PLEKHA5: variants seen among roughly 807,000 people sequenced by gnomAD.
The protein encoded by PLEKHA5 is pleckstrin homology domain-containing family A member 5.
A neutral mutation model predicts 181.9 loss-of-function variants in PLEKHA5; 55 were observed. That is an observed-to-expected ratio of 0.30 (90% confidence interval 0.24 to 0.38). The LOEUF (loss-of-function observed/expected upper bound fraction) is 0.38. Ranked by LOEUF, PLEKHA5 falls within the 10% of genes least tolerant of loss-of-function variation. The pLI, the probability that PLEKHA5 is intolerant of heterozygous loss-of-function variation, is 1.00. For missense variants in PLEKHA5, 1,432 were observed against 1,549.5 expected (o/e 0.92, Z 1.27); for synonymous variants, 535 against 529.4 (o/e 1.01, Z -0.15).
chr12:19,161,670 C>T lies in PLEKHA5; in HGVS notation c.227+29220C>T, dbSNP rs189891840. Among the ~76,000 whole-genome samples the T allele has an allele frequency of 8.5e-5, 13 of 152,278 alleles. No individual in the cohort carries two copies. In the East Asian group the frequency reaches 2.5e-3, roughly 29 times the overall value. ...TTTGCTCAAAGTAAAAACCAAACGTCTATAGATTTAAAATAGGACTTTAAC... is the reference window on the plus strand; with the variant it reads ...TTTGCTCAAAGTAAAAACCAAACGTTTATAGATTTAAAATAGGACTTTAAC... On this transcript the variant is annotated intron_variant, in intron 3 of 31. Transcript: ENST00000429027.
chr12:19,257,469 A>C lies in PLEKHA5; in HGVS notation c.469A>C (p.Lys157Gln). The C allele has an allele frequency of 6.2e-7, 1 of 1,608,492 alleles. No homozygotes were observed. Among genetic ancestry groups the C allele is most frequent in the Non-Finnish European group, 8.5e-7 (1 of 1,176,248 alleles). ...RASKKVHNFG[K>Q]RSNSIKRNPN... ...TTCAAAAAAAGTTCATAATTTTGGA[A>C]AGAGGTCAAATTCAATTAAAAGGAA... Residue 157 changes from lysine (K) to glutamine (Q), a missense_variant, in exon 6 of 32, where the codon AAG becomes CAG. By Grantham distance (53) the Lys-to-Gln change is moderately conservative. Around this residue, in one of 2 missense-constraint regions of PLEKHA5, gnomAD observed 289 missense variants for 381.1 expected, o/e 0.76. Coordinates refer to ENST00000429027, the MANE Select transcript of PLEKHA5 (RefSeq NM_001256470.2).
intron 3 of PLEKHA5, among the ~76,000 whole-genome samples, chr12:19,185,963 A>C (rs2049772965): frequency 6.6e-6 from 1 of 152,180 alleles, no homozygotes; most frequent in South Asian, 2.1e-4. Context: ...TTTCATAAGA[A>C]TATCCTTTGT....
At chr12:19,143,855 T>TA (rs1450526370) in intron 3 of PLEKHA5, among the ~76,000 whole-genome samples, 1 of 152,226 alleles carries the variant, frequency 6.6e-6, no homozygotes, top group Non-Finnish European at 1.5e-5. Context: ...GAATATATGG[T>TA]ATTTATTCCT....
intron 22 of PLEKHA5, among the ~76,000 whole-genome samples, chr12:19,343,933 TC>T (rs1299556178): frequency 6.6e-6 from 1 of 151,586 alleles, no homozygotes; most frequent in Non-Finnish European, 1.5e-5. Context: ...ATGCCTGTAG[TC>T]CCAAATACTC....
intron 3 of PLEKHA5, among the ~76,000 whole-genome samples, chr12:19,137,732 T>C (rs1215374407): frequency 6.6e-6 from 1 of 152,190 alleles, no homozygotes; most frequent in African/African-American, 2.4e-5. Flanking sequence ...GTAGACTTTG[T>C]TGTGGAATTC....
intron 3 of PLEKHA5, among the ~76,000 whole-genome samples, chr12:19,195,111 C>G (rs1319028582): frequency 6.6e-6 from 1 of 151,960 alleles, no homozygotes; most frequent in Non-Finnish European, 1.5e-5. Flanking sequence ...ATTCAGTAAA[C>G]GAAACCTCTG....
intron 3 of PLEKHA5, among the ~76,000 whole-genome samples, chr12:19,194,196 A>G (rs1184032500): frequency 6.6e-6 from 1 of 152,178 alleles, no homozygotes; most frequent in African/African-American, 2.4e-5. Flanking sequence ...GAGCTGCAGT[A>G]TTTATCTTTC....
At chr12:19,326,803 G>A (rs1382754423) in intron 20 of PLEKHA5, among the ~76,000 whole-genome samples, 1 of 152,162 alleles carries the variant, frequency 6.6e-6, no homozygotes, top group East Asian at 1.9e-4. Context: ...CCACCTGTAA[G>A]TGAGAACATA....
At chr12:19,154,376 T>G (rs983902122) in intron 3 of PLEKHA5, 1 of 152,194 alleles carries the variant, frequency 6.6e-6, no homozygotes, top group Non-Finnish European at 1.5e-5. Flanking sequence ...ATTTTGTTCT[T>G]TCTTCTCTTC....
At position 19,322,325 on chromosome 12, in the gene PLEKHA5, T is replaced by C. The variant is rs1213060397; in HGVS notation, c.2233T>C (p.Leu745=). The C allele has an allele frequency of 1.2e-6, 2 of 1,613,028 alleles. No homozygotes were observed. Among genetic ancestry groups the C allele is most frequent in the South Asian group, 1.1e-5 (1 of 91,060 alleles). ...TATAACCTAGGCCAAGTTAAGCCGA[T>C]TATGTGAACAAGATAAAGTGGTGCA... ...EVDIDAKLSR[L]CEQDKVVHAL... is the part of the protein sequence containing the mutation. The change falls in exon 19 of 32, where the codon TTA becomes CTA. Residue 745 remains leucine, a synonymous_variant. Transcript: ENST00000429027.
intron 3 of PLEKHA5, among the ~76,000 whole-genome samples, chr12:19,234,533 C>A (rs1004260811): frequency 6.6e-6 from 1 of 152,186 alleles, no homozygotes; most frequent in African/African-American, 2.4e-5. Context: ...CTTAGTATCC[C>A]TCATAAGCTT....
chr12:19,154,700 T>C (rs2041266545), intron 3 of PLEKHA5: 1 of 152,220 alleles, frequency 6.6e-6, no homozygotes, highest in African/African-American at 2.4e-5. Flanking sequence ...AGCAGAATGT[T>C]TGGTGTGTCT....
At chr12:19,312,699 C>G (rs938271440) in intron 15 of PLEKHA5, among the ~76,000 whole-genome samples, 1 of 152,196 alleles carries the variant, frequency 6.6e-6, no homozygotes, top group Non-Finnish European at 1.5e-5. Context: ...CTCTTCAGAC[C>G]ACTAAAACTT....
At chr12:19,264,237 C>T (rs1210317926) in intron 7 of PLEKHA5, among the ~76,000 whole-genome samples, 1 of 152,060 alleles carries the variant, frequency 6.6e-6, no homozygotes. Flanking sequence ...TACTAAGCAT[C>T]AATAACTTGG....
chr12:19,136,721 G>A (rs1019353428), intron 3 of PLEKHA5, among the ~76,000 whole-genome samples: 2 of 152,048 alleles, frequency 1.3e-5, no homozygotes, highest in Non-Finnish European at 1.5e-5. Context: ...CAATATTTGC[G>A]GGGGTAAAAT....
chr12:19,237,230 A>G (rs1250088099), intron 3 of PLEKHA5, among the ~76,000 whole-genome samples: 2 of 152,184 alleles, frequency 1.3e-5, no homozygotes, highest in African/African-American at 4.8e-5. Flanking sequence ...GTAGAAATAT[A>G]AGTATATTCA....
chr12:19,216,697 C>G (rs1235909138), intron 3 of PLEKHA5, among the ~76,000 whole-genome samples: 1 of 151,684 alleles, frequency 6.6e-6, no homozygotes, highest in Non-Finnish European at 1.5e-5. Flanking sequence ...AAGGGCAGAG[C>G]CTAGACTACC....
At chr12:19,255,981 C>G (rs2066785235) in intron 5 of PLEKHA5, among the ~76,000 whole-genome samples, 1 of 150,998 alleles carries the variant, frequency 6.6e-6, no homozygotes, top group African/African-American at 2.4e-5. Context: ...GAAATTCAAC[C>G]ACACGTAATT....
chr12:19,205,398 C>A, intron 3 of PLEKHA5: 1 of 984,014 alleles, frequency 1.0e-6, no homozygotes, highest in Non-Finnish European at 1.2e-6. Flanking sequence ...AAACCAGAAG[C>A]CTGAGACAAA....
Sources: allele counts gnomAD v4.1 joint callset (sites outside exome capture counted in the v4.1 genomes callset), GRCh38; gene constraint gnomAD v4.1.1; regional missense constraint gnomAD v4.1.1; transcripts MANE v1.5; gene names NCBI Gene and HGNC (gene_info 2026-07-23, HGNC 2026-07-21).